EYS: variants seen among roughly 807,000 people sequenced by gnomAD.
The protein encoded by EYS is EGF-like photoreceptor maintenance factor, also known as protein eyes shut homolog.
EYS carries 250 observed loss-of-function variants against 282.1 expected under a neutral mutation model. That is an observed-to-expected ratio of 0.89 (90% confidence interval 0.80 to 0.98). The LOEUF is 0.98. Among genes scored for constraint, EYS ranks in the 50% least tolerant of loss-of-function variants. The pLI is 0.00. For synonymous variants in EYS, 1,355 were observed against 1,282.9 expected, an observed-to-expected ratio of 1.06 and a Z score of -1.20; for missense variants, 4,016 against 3,709.0, an observed-to-expected ratio of 1.08 and a Z score of -2.15.
At chr6:63,792,606 A>T (rs1169736164) in intron 37 of EYS, among the ~76,000 whole-genome samples, 8 of 151,930 alleles carry the variant, frequency 5.3e-5, no homozygotes, top group Admixed American at 1.3e-4. Flanking sequence ...TATATATATA[A>T]AAAAACAAAA....
chr6:64,561,105 A>G (rs1582895782), intron 26 of EYS, among the ~76,000 whole-genome samples: 1 of 152,224 alleles, frequency 6.6e-6, no homozygotes, highest in East Asian at 1.9e-4. Flanking sequence ...GATTATCTTA[A>G]CAGATGCAGA....
At chr6:64,473,907 A>T (rs1213671600) in intron 26 of EYS, among the ~76,000 whole-genome samples, 2 of 152,156 alleles carry the variant, frequency 1.3e-5, no homozygotes, top group East Asian at 3.9e-4. Flanking sequence ...CCAATAAATA[A>T]CTTCACCTTT....
At chr6:64,640,900 G>C (rs1266827084) in intron 22 of EYS, among the ~76,000 whole-genome samples, 1 of 152,070 alleles carries the variant, frequency 6.6e-6, no homozygotes, top group Non-Finnish European at 1.5e-5. Context: ...AGAATCTAAG[G>C]TCAGCTGCCC....
intron 1 of EYS, among the ~76,000 whole-genome samples, chr6:65,696,888 G>A (rs1769476015): frequency 6.6e-6 from 1 of 152,018 alleles, no homozygotes. Flanking sequence ...AATCTATATT[G>A]TTTCTTCTGC....
chr6:65,165,455 A>T (rs2150224111), intron 12 of EYS, among the ~76,000 whole-genome samples: 1 of 151,272 alleles, frequency 6.6e-6, no homozygotes, highest in Admixed American at 6.6e-5. Context: ...TTAAAACAGA[A>T]TCCTATTTTT....
intron 2 of EYS, among the ~76,000 whole-genome samples, chr6:65,518,967 T>G (rs1201201224): frequency 6.6e-6 from 1 of 152,020 alleles, no homozygotes; most frequent in Non-Finnish European, 1.5e-5. Context: ...AAGATGAGAT[T>G]TAGGTGGGGA....
intron 22 of EYS, among the ~76,000 whole-genome samples, chr6:64,689,358 G>A (rs530432506): frequency 6.6e-6 from 1 of 152,120 alleles, no homozygotes; most frequent in South Asian, 2.1e-4. Flanking sequence ...CATGCTCTCA[G>A]ATAGGAAGAA....
chr6:64,756,486 A>G (rs1295935639), intron 22 of EYS, among the ~76,000 whole-genome samples: 1 of 152,162 alleles, frequency 6.6e-6, no homozygotes, highest in South Asian at 2.1e-4. Context: ...CCTTAGATAT[A>G]AGATTATTTC....
At chr6:64,970,923 T>A (rs983776239) in intron 14 of EYS, among the ~76,000 whole-genome samples, 1 of 152,184 alleles carries the variant, frequency 6.6e-6, no homozygotes, top group Non-Finnish European at 1.5e-5. Flanking sequence ...CATCAGCAGA[T>A]GTGAAAACTG....
intron 32 of EYS, among the ~76,000 whole-genome samples, chr6:64,073,973 G>A (rs1771679046): frequency 1.3e-5 from 2 of 151,772 alleles, no homozygotes; most frequent in Non-Finnish European, 2.9e-5. Context: ...CATTAGAGAA[G>A]TATGAACCTA....
At chr6:64,764,226 G>A (rs1286672751) in intron 22 of EYS, among the ~76,000 whole-genome samples, 1 of 152,218 alleles carries the variant, frequency 6.6e-6, no homozygotes, top group Admixed American at 6.5e-5. Flanking sequence ...TGAGGGCTCC[G>A]CTTTGCAGCT....
intron 35 of EYS, among the ~76,000 whole-genome samples, chr6:63,928,460 T>C (rs1407179455): frequency 6.6e-6 from 1 of 152,174 alleles, no homozygotes; most frequent in African/African-American, 2.4e-5. Context: ...CAGTGAATAT[T>C]TGTCAAATGA....
At chr6:63,815,183 T>A (rs1238782075) in intron 36 of EYS, among the ~76,000 whole-genome samples, 1 of 152,204 alleles carries the variant, frequency 6.6e-6, no homozygotes, top group Non-Finnish European at 1.5e-5. Context: ...AATTATAGTA[T>A]CTATTATGTC....
chr6:64,603,783 G>T (rs115067164), intron 24 of EYS, among the ~76,000 whole-genome samples: 141 of 151,032 alleles, frequency 9.3e-4, no homozygotes, highest in African/African-American at 3.4e-3. Flanking sequence ...TATCTTAATG[G>T]ATTATATAGA....
intron 4 of EYS, 61 bp downstream of exon 4, chr6:65,494,602 A>T (rs933358324): frequency 7.1e-7 from 1 of 1,412,574 alleles, no homozygotes; most frequent in African/African-American, 1.4e-5. Context: ...TTCTGTTAAC[A>T]GTTTATAAAT....
intron 12 of EYS, among the ~76,000 whole-genome samples, chr6:65,098,366 C>A (rs1342770946): frequency 2.0e-5 from 3 of 150,600 alleles, no homozygotes; most frequent in African/African-American, 7.3e-5. Flanking sequence ...TGAGATGAAT[C>A]CAGCTGAGAT....
chr6:65,178,373 T>A (rs948786748), intron 12 of EYS, among the ~76,000 whole-genome samples: 1 of 151,968 alleles, frequency 6.6e-6, no homozygotes, highest in African/African-American at 2.4e-5. Flanking sequence ...CTCTGACAGT[T>A]GACCATGACA....
intron 26 of EYS, among the ~76,000 whole-genome samples, chr6:64,477,609 G>C (rs1450814157): frequency 6.6e-6 from 1 of 152,012 alleles, no homozygotes; most frequent in Non-Finnish European, 1.5e-5. Flanking sequence ...TTGTGTCAAA[G>C]GAGATGTATC....
At chr6:65,227,823 A>G (rs1367779961) in intron 12 of EYS, among the ~76,000 whole-genome samples, 2 of 152,124 alleles carry the variant, frequency 1.3e-5, no homozygotes, top group East Asian at 3.9e-4. Context: ...AGACAAAAAA[A>G]GGACAGATAT....
Sources: allele counts gnomAD v4.1 joint callset (sites outside exome capture counted in the v4.1 genomes callset), GRCh38; gene constraint gnomAD v4.1.1; transcripts MANE v1.5; gene names NCBI Gene and HGNC (gene_info 2026-07-23, HGNC 2026-07-21).